Variants in TSHZ2 observed in about 807,000 individuals in gnomAD.
TSHZ2 encodes the protein teashirt homolog 2.
In TSHZ2, 21 loss-of-function variants were observed where a neutral mutation model predicts 74.4. The ratio of observed to expected loss-of-function variants is 0.28; its 90% CI spans 0.20 to 0.41. The LOEUF is 0.41. TSHZ2 is among the 10% of genes least tolerant of loss of function. The pLI, the probability that TSHZ2 is intolerant of heterozygous loss-of-function variation, is 1.00. For synonymous variants in TSHZ2, 540 were observed against 515.3 expected (o/e 1.05, Z -0.65); for missense variants, 1,244 against 1,293.5 (o/e 0.96, Z 0.59).
chr20:53,408,285 CAG>C (rs1205221707), intron 2 of TSHZ2, among the ~76,000 whole-genome samples: 2 of 152,192 alleles, frequency 1.3e-5, no homozygotes, highest in Non-Finnish European at 2.9e-5. Flanking sequence ...GCGTTCGACA[CAG>C]AGTCCAGTAC....
At chr20:53,334,328 G>A (rs1979851798) in intron 2 of TSHZ2, among the ~76,000 whole-genome samples, 1 of 152,162 alleles carries the variant, frequency 6.6e-6, no homozygotes, top group African/African-American at 2.4e-5. Context: ...TGTGAAAGGA[G>A]TCATCTGAGC....
chr20:53,221,586 C>T (rs1989558650), intron 1 of TSHZ2, among the ~76,000 whole-genome samples: 1 of 152,128 alleles, frequency 6.6e-6, no homozygotes, highest in Non-Finnish European at 1.5e-5. Flanking sequence ...GTTTCAAATG[C>T]CAGCACCTTC....
intron 1 of TSHZ2, among the ~76,000 whole-genome samples, chr20:53,019,245 T>TG (rs1983148295): frequency 9.4e-6 from 1 of 106,116 alleles, no homozygotes; most frequent in East Asian, 4.2e-4. Flanking sequence ...GTTAGTTGCC[T>TG]GGGTTTTTTT....
In TSHZ2 at chr20:53,059,352, T is replaced by C. The variant is rs149803705; in HGVS notation, c.40+86019T>C. On this transcript the variant is annotated intron_variant, in intron 1 of 2. Coordinates refer to ENST00000371497, the MANE Select transcript of TSHZ2 (RefSeq NM_173485.6). The stretch of plus-strand genomic sequence containing the variant: ...CATAAACCTTTCTCACATGGCCATT[T>C]TACTATGCATTTAGTTCTATTGCAA... Among the ~76,000 whole-genome samples, 266 of 152,322 alleles carry C rather than the reference T, an allele frequency of 1.7e-3. 1 individual carries two copies. The highest frequency in any genetic ancestry group is 5.9e-3 in the African/African-American group (247 of 41,580).
intron 1 of TSHZ2, among the ~76,000 whole-genome samples, chr20:53,146,957 CA>C (rs1172113565): frequency 1.3e-5 from 2 of 152,118 alleles, no homozygotes; most frequent in Non-Finnish European, 2.9e-5. Context: ...GAAGATTAAC[CA>C]GTTAGTATTT....
intron 1 of TSHZ2, among the ~76,000 whole-genome samples, chr20:53,244,641 T>A (rs988746698): frequency 7.2e-5 from 11 of 152,116 alleles, no homozygotes; most frequent in African/African-American, 2.7e-4. Context: ...TATAAAGCAT[T>A]TTTCTTGGAG....
At chr20:53,130,698 A>AG (rs1305473937) in intron 1 of TSHZ2, among the ~76,000 whole-genome samples, 2 of 152,226 alleles carry the variant, frequency 1.3e-5, no homozygotes, top group African/African-American at 2.4e-5. Context: ...TGTATGTTGA[A>AG]GGGCAGTGTG....
intron 2 of TSHZ2, among the ~76,000 whole-genome samples, chr20:53,329,840 G>A (rs892500554): frequency 6.6e-6 from 1 of 152,098 alleles, no homozygotes; most frequent in Admixed American, 6.5e-5. Flanking sequence ...GAGAGAGACA[G>A]GGAGGACAGA....
At chr20:53,233,800 A>G (rs991036850) in intron 1 of TSHZ2, among the ~76,000 whole-genome samples, 33 of 152,230 alleles carry the variant, frequency 2.2e-4, no homozygotes, top group African/African-American at 7.7e-4. Flanking sequence ...CTAACAAAAA[A>G]AGAAGAGTAT....
chr20:53,359,739 G>A (rs1010062756), intron 2 of TSHZ2, among the ~76,000 whole-genome samples: 4 of 152,190 alleles, frequency 2.6e-5, no homozygotes, highest in African/African-American at 9.7e-5. Context: ...CAGAAAGATG[G>A]CTAGACAAAA....
intron 1 of TSHZ2, among the ~76,000 whole-genome samples, chr20:53,007,762 A>G (rs1600642524): frequency 6.7e-6 from 1 of 149,726 alleles, no homozygotes; most frequent in East Asian, 1.9e-4. Flanking sequence ...GTGTGTTTGT[A>G]TTTCTGACAT....
At chr20:53,413,917 G>A (rs1204716085) in intron 2 of TSHZ2, among the ~76,000 whole-genome samples, 1 of 152,090 alleles carries the variant, frequency 6.6e-6, no homozygotes, top group South Asian at 2.1e-4. Context: ...CAAGGCAGGA[G>A]GATCACTTGA....
In TSHZ2 at chr20:53,329,143, A is replaced by G. The variant is rs556108165; in HGVS notation, c.*8+72572A>G. Among the ~76,000 whole-genome samples the G allele has an allele frequency of 5.9e-5, 9 of 152,282 alleles. No homozygotes were observed. The East Asian group carries it at 1.7e-3, about 29-fold the overall frequency. ...GGAATGTTTCTCATCACTCGAATGC[A>G]TTTGCCAAAGAACTTCAACTTCTGT... On this transcript the variant is annotated intron_variant, in intron 2 of 2. Transcript: ENST00000371497.
chr20:53,090,164 C>T, intron 1 of TSHZ2, among the ~76,000 whole-genome samples: 1 of 152,148 alleles, frequency 6.6e-6, no homozygotes, highest in Admixed American at 6.5e-5. Flanking sequence ...AGATGAAGGC[C>T]AGAGGACTCA....
chr20:53,063,228 T>G (rs929178196), intron 1 of TSHZ2, among the ~76,000 whole-genome samples: 4 of 152,168 alleles, frequency 2.6e-5, no homozygotes, highest in African/African-American at 9.7e-5. Context: ...CTTCAATTTG[T>G]AAAAAGTTCA....
intron 1 of TSHZ2, among the ~76,000 whole-genome samples, chr20:53,030,452 C>A (rs544569399): frequency 3.9e-5 from 6 of 152,144 alleles, no homozygotes; most frequent in African/African-American, 1.2e-4. Context: ...AAGCCAAGAT[C>A]AAGCACATCA....
At chr20:52,987,984 A>AT (rs546472388) in intron 1 of TSHZ2, among the ~76,000 whole-genome samples, 151 of 152,096 alleles carry the variant, frequency 9.9e-4, no homozygotes, top group African/African-American at 3.5e-3. Flanking sequence ...TCTGTTTCAT[A>AT]TTTTTTCATA....
intron 1 of TSHZ2, among the ~76,000 whole-genome samples, chr20:52,996,149 G>A (rs1982179289): frequency 6.6e-6 from 1 of 151,920 alleles, no homozygotes; most frequent in Non-Finnish European, 1.5e-5. Context: ...ATGCTTTGGG[G>A]CACACAGTTT....
At chr20:52,995,490 G>C (rs1393146443) in intron 1 of TSHZ2, among the ~76,000 whole-genome samples, 3 of 152,184 alleles carry the variant, frequency 2.0e-5, no homozygotes, top group Admixed American at 6.5e-5. Flanking sequence ...AAAAAAGGGA[G>C]GAATGCATGC....
Sources: gnomAD v4.1 joint callset for allele counts (sites outside exome capture counted in the v4.1 genomes callset) on GRCh38, gnomAD v4.1.1 for gene constraint, MANE v1.5 for transcripts, NCBI Gene and HGNC (gene_info 2026-07-23, HGNC 2026-07-21) for gene names.